MDGA2: variants seen among roughly 807,000 people sequenced by gnomAD.
MDGA2 encodes MAM domain-containing glycosylphosphatidylinositol anchor protein 2.
In MDGA2, 40 loss-of-function variants were observed where a neutral mutation model predicts 117.8. That is an observed-to-expected ratio of 0.34 (90% confidence interval 0.26 to 0.44). The LOEUF (loss-of-function observed/expected upper bound fraction) is 0.44, where lower values mean the gene tolerates loss of function less well. Ranked by LOEUF, MDGA2 falls within the 20% of genes least tolerant of loss-of-function variation. The pLI is 1.00. For missense variants in MDGA2, 1,123 were observed against 1,250.6 expected (o/e 0.90, Z 1.54); for synonymous variants, 452 against 439.0 (o/e 1.03, Z -0.37).
At chr14:47,035,649 G>A (rs761219085) in intron 7 of MDGA2, among the ~76,000 whole-genome samples, 1 of 152,126 alleles carries the variant, frequency 6.6e-6, no homozygotes, top group Non-Finnish European at 1.5e-5. Flanking sequence ...CAGCTGTGTA[G>A]ACTCAGTAGT....
chr14:47,360,223 T>C (rs932429753), intron 1 of MDGA2, among the ~76,000 whole-genome samples: 20 of 151,816 alleles, frequency 1.3e-4, no homozygotes, highest in Middle Eastern at 3.4e-3. Flanking sequence ...TGGTGGTGCA[T>C]GCCTGTAGTC....
chr14:46,939,609 C>T (rs1025726464), intron 9 of MDGA2, among the ~76,000 whole-genome samples: 1 of 152,182 alleles, frequency 6.6e-6, no homozygotes, highest in Non-Finnish European at 1.5e-5. Context: ...TTTAATCTCT[C>T]CCAGACAGAA....
At chr14:47,169,500 T>C (rs889611586) in intron 3 of MDGA2, among the ~76,000 whole-genome samples, 3 of 152,050 alleles carry the variant, frequency 2.0e-5, no homozygotes, top group South Asian at 4.1e-4. Flanking sequence ...CATTTATCTA[T>C]AGATACTAAC....
chr14:47,106,623 C>T (rs1321308515), intron 5 of MDGA2, among the ~76,000 whole-genome samples: 1 of 152,104 alleles, frequency 6.6e-6, no homozygotes, highest in Non-Finnish European at 1.5e-5. Flanking sequence ...TGACTGACTC[C>T]TTCCCAGATC....
chr14:47,248,387 T>C (rs1024320808), intron 2 of MDGA2, among the ~76,000 whole-genome samples: 1 of 151,740 alleles, frequency 6.6e-6, no homozygotes, highest in African/African-American at 2.4e-5. Flanking sequence ...GAGAATATCA[T>C]GTTAGAAAGT....
At chr14:47,112,369 A>G (rs1237693549) in intron 5 of MDGA2, among the ~76,000 whole-genome samples, 6 of 152,144 alleles carry the variant, frequency 3.9e-5, no homozygotes, top group Non-Finnish European at 1.5e-5. Context: ...CCTGGCATTC[A>G]TTAGCTATTT....
intron 1 of MDGA2, among the ~76,000 whole-genome samples, chr14:47,523,760 C>G (rs949994377): frequency 8.5e-5 from 13 of 152,114 alleles, no homozygotes; most frequent in Non-Finnish European, 1.6e-4. Flanking sequence ...CTTCAGCACA[C>G]GATCACAACA....
chr14:47,343,037 G>T, intron 1 of MDGA2: 5 of 1,277,636 alleles, frequency 3.9e-6, no homozygotes, highest in Non-Finnish European at 4.1e-6. Flanking sequence ...GAAGCAGGCA[G>T]CACTACCGTG....
At chr14:46,919,713 T>C (rs1884049916) in intron 10 of MDGA2, among the ~76,000 whole-genome samples, 1 of 152,174 alleles carries the variant, frequency 6.6e-6, no homozygotes, top group Admixed American at 6.5e-5. Context: ...AGTTATACCA[T>C]GTAATTTATC....
At chr14:47,110,139 A>C (rs1880956150) in intron 5 of MDGA2, among the ~76,000 whole-genome samples, 1 of 149,194 alleles carries the variant, frequency 6.7e-6, no homozygotes, top group Admixed American at 6.7e-5. Context: ...CAAAGCATTT[A>C]TCTATCAAAA....
At chr14:47,293,162 C>T (rs1351782447) in intron 2 of MDGA2, among the ~76,000 whole-genome samples, 1 of 152,086 alleles carries the variant, frequency 6.6e-6, no homozygotes, top group African/African-American at 2.4e-5. Flanking sequence ...CCTTGGGAAC[C>T]CTCTAAAAAT....
chr14:47,152,496 C>G (rs1170516073), intron 3 of MDGA2, among the ~76,000 whole-genome samples: 1 of 151,986 alleles, frequency 6.6e-6, no homozygotes, highest in African/African-American at 2.4e-5. Flanking sequence ...TCCTGGGAGT[C>G]AAGTTTCAGA....
chr14:46,848,158 A>G (rs1880916941), intron 15 of MDGA2, among the ~76,000 whole-genome samples: 1 of 152,030 alleles, frequency 6.6e-6, no homozygotes, highest in African/African-American at 2.4e-5. Context: ...CTTGAAATTT[A>G]CACAGATAAA....
At chr14:47,138,745 C>A (rs1001046773) in intron 4 of MDGA2, among the ~76,000 whole-genome samples, 1 of 151,950 alleles carries the variant, frequency 6.6e-6, no homozygotes, top group Admixed American at 6.6e-5. Flanking sequence ...TAAAGTCTGT[C>A]AATTTAGATT....
chr14:47,172,207 C>G (rs1398519449), intron 3 of MDGA2, among the ~76,000 whole-genome samples: 3 of 152,196 alleles, frequency 2.0e-5, no homozygotes, highest in African/African-American at 7.2e-5. Context: ...TAGGCCCCGC[C>G]TCTGGGGGCA....
At chr14:47,612,381 C>A (rs1477160525) in intron 1 of MDGA2, among the ~76,000 whole-genome samples, 5 of 152,052 alleles carry the variant, frequency 3.3e-5, no homozygotes, top group African/African-American at 4.8e-5. Context: ...GGAAAAACTA[C>A]CAATCTAAAA....
chr14:47,266,847 G>A (rs17575116), intron 2 of MDGA2, among the ~76,000 whole-genome samples: 27,203 of 152,008 alleles, frequency 0.18, 3,160 homozygotes, highest in Admixed American at 0.36. Context: ...TTTATGCATA[G>A]CCTTTTTGGG....
chr14:46,889,692 T>C (rs1882805696), intron 10 of MDGA2, among the ~76,000 whole-genome samples: 2 of 152,072 alleles, frequency 1.3e-5, no homozygotes, highest in South Asian at 2.1e-4. Flanking sequence ...TTTGAAGCGG[T>C]GTGGGATTGG....
intron 2 of MDGA2, among the ~76,000 whole-genome samples, chr14:47,256,766 T>C (rs1345456175): frequency 6.6e-6 from 1 of 151,062 alleles, no homozygotes; most frequent in Admixed American, 6.6e-5. Flanking sequence ...CATAAAATGG[T>C]AATTTAATTA....
Sources: gnomAD v4.1 joint callset for allele counts (sites outside exome capture counted in the v4.1 genomes callset) on GRCh38, gnomAD v4.1.1 for gene constraint, MANE v1.5 for transcripts, NCBI Gene and HGNC (gene_info 2026-07-23, HGNC 2026-07-21) for gene names.